CNOT2: variants seen among roughly 807,000 people sequenced by gnomAD.
CNOT2 encodes CCR4-NOT transcription complex subunit 2.
In CNOT2, 7 loss-of-function variants were observed where a neutral mutation model predicts 72.1. That is an observed-to-expected ratio of 0.10 (90% confidence interval 0.06 to 0.18). The LOEUF is 0.18. Ranked by LOEUF, CNOT2 falls within the 10% of genes least tolerant of loss-of-function variation. The probability of loss-of-function intolerance (pLI) is 1.00; values close to 1 mark genes in which losing one functional copy is unlikely to be tolerated. For synonymous variants in CNOT2, 196 were observed against 225.6 expected, an observed-to-expected ratio of 0.87 and a Z score of 1.17; for missense variants, 345 against 660.3, an observed-to-expected ratio of 0.52 and a Z score of 5.23.
At chr12:70,327,685 G>C (rs1271162347) in intron 4 of CNOT2, 25 of 151,804 alleles carry the variant, frequency 1.6e-4, no homozygotes, top group Non-Finnish European at 1.0e-4. Context: ...AGGACAGCAT[G>C]TTTAGGGAGT....
chr12:70,306,515 T>TGTCTTGATTAAAC (rs1875419666), intron 2 of CNOT2, among the ~76,000 whole-genome samples: 2 of 152,326 alleles, frequency 1.3e-5, no homozygotes, highest in African/African-American at 2.4e-5. Context: ...AAAGATTAAA[T>TGTCTTGATTAAAC]GTCTTGATTA....
intron 1 of CNOT2, among the ~76,000 whole-genome samples, chr12:70,272,924 G>T (rs1868289709): frequency 6.6e-6 from 1 of 152,110 alleles, no homozygotes; most frequent in Non-Finnish European, 1.5e-5. Context: ...ATCTGTTCCT[G>T]TTTACTATCT....
intron 1 of CNOT2, among the ~76,000 whole-genome samples, chr12:70,273,671 C>T (rs1258485445): frequency 3.9e-5 from 6 of 152,040 alleles, no homozygotes; most frequent in African/African-American, 1.2e-4. Flanking sequence ...GAACTTTTGT[C>T]GTTTAAGATC....
intron 3 of CNOT2, among the ~76,000 whole-genome samples, chr12:70,313,651 A>T (rs994605585): frequency 7.9e-5 from 12 of 152,088 alleles, no homozygotes; most frequent in Admixed American, 3.3e-4. Flanking sequence ...TAACTATTTT[A>T]GGCTTTGTGG....
At chr12:70,342,406 A>T in intron 13 of CNOT2, 99 bp downstream of exon 13, 1 of 1,346,596 alleles carries the variant, frequency 7.4e-7, no homozygotes, top group South Asian at 1.3e-5. Context: ...ATAATTAGTA[A>T]TGGTCTCAGG....
intron 2 of CNOT2, among the ~76,000 whole-genome samples, chr12:70,301,140 T>C (rs1297278053): frequency 8.5e-5 from 13 of 152,356 alleles, no homozygotes; most frequent in Admixed American, 7.2e-4. Context: ...TGGAGTTTTC[T>C]AGATATACAG....
rs957927784 is a variant in CNOT2 at position 70,289,497 on chromosome 12, G to A, written c.48+11223G>A. Among the ~76,000 whole-genome samples the A allele has an allele frequency of 1.1e-4, 16 of 152,066 alleles. No homozygotes were observed. The South Asian group carries it at 2.3e-3, about 22-fold the overall frequency. On this transcript the variant is annotated intron_variant, in intron 2 of 15. Coordinates refer to ENST00000229195, the MANE Select transcript of CNOT2 (RefSeq NM_014515.7). Reference sequence around the variant, plus strand: ...GAATTTGTATGTTTATACAAATTTAGGAATTTTTTTCATCCATTATTTATT... The same window carrying A: ...GAATTTGTATGTTTATACAAATTTAAGAATTTTTTTCATCCATTATTTATT...
chr12:70,292,995 GT>G (rs919457689), intron 2 of CNOT2, among the ~76,000 whole-genome samples: 58 of 152,092 alleles, frequency 3.8e-4, no homozygotes, highest in African/African-American at 1.3e-3. Flanking sequence ...AAAATAATTT[GT>G]CACCTTCAAT....
intron 6 of CNOT2, among the ~76,000 whole-genome samples, chr12:70,332,215 C>G (rs972518215): frequency 1.3e-5 from 2 of 151,636 alleles, no homozygotes; most frequent in African/African-American, 4.8e-5. Flanking sequence ...TCTATTATGT[C>G]TTCCTGAACA....
intron 13 of CNOT2, among the ~76,000 whole-genome samples, chr12:70,342,704 A>AT (rs1378353993): frequency 6.6e-6 from 1 of 151,820 alleles, no homozygotes; most frequent in Non-Finnish European, 1.5e-5. Flanking sequence ...TTTCATTTCC[A>AT]TTTTTTTAAA....
intron 1 of CNOT2, among the ~76,000 whole-genome samples, chr12:70,264,100 C>T (rs1399251037): frequency 2.0e-5 from 3 of 152,184 alleles, no homozygotes; most frequent in Admixed American, 2.0e-4. Context: ...ATTAACAGTT[C>T]TCTGGAGCAT....
chr12:70,303,360 G>A (rs1333717748), intron 2 of CNOT2, among the ~76,000 whole-genome samples: 2 of 152,178 alleles, frequency 1.3e-5, no homozygotes, highest in African/African-American at 2.4e-5. Flanking sequence ...GGTACCGGTT[G>A]TTCCTTTCCG....
chr12:70,284,030 C>T lies in CNOT2; in HGVS notation c.48+5756C>T, dbSNP rs556248222. 7.6e-5 allele frequency among the ~76,000 whole-genome samples: 11 copies of T among 144,932 alleles called. No individual in the cohort carries two copies. In the South Asian group the frequency reaches 2.4e-3, roughly 32 times the overall value. ...CTGGAGTGCTCACCACAACCTCTGT[C>T]TCCTGGGTTGAAGCGATTCTCCTGC... On this transcript the variant is annotated intron_variant, in intron 2 of 15. Coordinates refer to ENST00000229195, the MANE Select transcript of CNOT2 (RefSeq NM_014515.7).
intron 3 of CNOT2, among the ~76,000 whole-genome samples, chr12:70,316,325 T>C (rs1877322905): frequency 6.6e-6 from 1 of 152,202 alleles, no homozygotes; most frequent in African/African-American, 2.4e-5. Flanking sequence ...CTGCTAATAG[T>C]ACTTACTGTT....
intron 1 of CNOT2, among the ~76,000 whole-genome samples, chr12:70,275,108 A>G (rs1303239765): frequency 6.6e-6 from 1 of 152,022 alleles, no homozygotes; most frequent in Non-Finnish European, 1.5e-5. Flanking sequence ...ACTTACCTTC[A>G]TTTTTGAAAG....
At chr12:70,303,637 G>T (rs944678768) in intron 2 of CNOT2, among the ~76,000 whole-genome samples, 9 of 152,106 alleles carry the variant, frequency 5.9e-5, no homozygotes, top group African/African-American at 2.2e-4. Context: ...TTTCTCTCTG[G>T]ATGCCCTTAA....
In CNOT2 at chr12:70,301,077, C is replaced by T. The variant is rs531153567; in HGVS notation, c.49-9818C>T. ...ATTTTTGCACATTGATCTTGTATCC[C>T]GAGACTTTGCTGAAGTTGATTATCA... On this transcript the variant is annotated intron_variant, in intron 2 of 15. Coordinates refer to ENST00000229195, the MANE Select transcript of CNOT2 (RefSeq NM_014515.7). 8.9e-4 allele frequency among the ~76,000 whole-genome samples: 136 copies of T among 152,062 alleles called. 1 individual carries two copies. The highest frequency in any genetic ancestry group is 2.9e-3 in the African/African-American group (122 of 41,462).
intron 7 of CNOT2, among the ~76,000 whole-genome samples, chr12:70,333,441 A>T (rs1880243088): frequency 6.6e-6 from 1 of 151,934 alleles, no homozygotes; most frequent in Non-Finnish European, 1.5e-5. Flanking sequence ...ACTGCTTCAG[A>T]TAGAAGAGAA....
chr12:70,345,229 A>G (rs1196288988), intron 14 of CNOT2: 1 of 152,214 alleles, frequency 6.6e-6, no homozygotes, highest in African/African-American at 2.4e-5. Flanking sequence ...ATTTCATAAC[A>G]TTTCTAATAA....
Sources: gnomAD v4.1 joint callset for allele counts (sites outside exome capture counted in the v4.1 genomes callset) on GRCh38, gnomAD v4.1.1 for gene constraint, MANE v1.5 for transcripts, NCBI Gene and HGNC (gene_info 2026-07-23, HGNC 2026-07-21) for gene names.